The following PIP5K1B variants were observed in gnomAD, a reference collection of about 807,000 sequenced individuals.
PIP5K1B encodes phosphatidylinositol-4-phosphate 5-kinase type 1 beta.
Under a neutral mutation model 67.0 loss-of-function variants are expected in PIP5K1B, and 42 were observed. The ratio of observed to expected loss-of-function variants is 0.63; its 90% CI spans 0.49 to 0.81. The LOEUF (loss-of-function observed/expected upper bound fraction) is 0.81. Among genes scored for constraint, PIP5K1B ranks in the 30% least tolerant of loss-of-function variants. PIP5K1B has a pLI of 0.00. For missense variants in PIP5K1B, 459 were observed against 646.3 expected (o/e 0.71, Z 3.14); for synonymous variants, 214 against 231.4 (o/e 0.92, Z 0.68).
intron 2 of PIP5K1B, among the ~76,000 whole-genome samples, chr9:68,770,285 T>C (rs899225426): frequency 2.0e-5 from 3 of 152,194 alleles, no homozygotes; most frequent in African/African-American, 7.2e-5. Context: ...TCCGACTTCA[T>C]TATACCTACT....
intron 2 of PIP5K1B, among the ~76,000 whole-genome samples, chr9:68,776,357 C>G (rs1830916792): frequency 6.6e-6 from 1 of 152,160 alleles, no homozygotes; most frequent in African/African-American, 2.4e-5. Context: ...AGTGCCTACT[C>G]CCTGCTAGTC....
chr9:68,899,199 C>A (rs1303120641), intron 8 of PIP5K1B, among the ~76,000 whole-genome samples: 1 of 152,170 alleles, frequency 6.6e-6, no homozygotes, highest in Non-Finnish European at 1.5e-5. Context: ...TTCCCCTCTT[C>A]TACACCTGGC....
chr9:68,856,991 T>A (rs1441574668), intron 4 of PIP5K1B, among the ~76,000 whole-genome samples: 1 of 152,150 alleles, frequency 6.6e-6, no homozygotes, highest in Non-Finnish European at 1.5e-5. Context: ...TGGGTCCATA[T>A]AAAGCGAAGT....
In PIP5K1B at chr9:68,705,340, C is replaced by G. The variant is rs1587315439; in HGVS notation, c.-665C>G. ...CTCCTCTCGGTCCCCGGTTCCCGGTCCCCGAACGCGCCGCGGCGAGGCTGC... is the reference window on the plus strand; with the variant it reads ...CTCCTCTCGGTCCCCGGTTCCCGGTGCCCGAACGCGCCGCGGCGAGGCTGC... On this transcript the variant is annotated 5_prime_UTR_variant, in exon 1 of 16. Coordinates refer to ENST00000265382, the MANE Select transcript of PIP5K1B (RefSeq NM_003558.4). 6.6e-6 allele frequency: 1 copy of G among 151,382 alleles called. No individual in the cohort carries two copies. Among genetic ancestry groups the G allele is most frequent in the Non-Finnish European group, 1.5e-5 (1 of 67,676 alleles). 9.4% of individuals were successfully genotyped at this position (151,382 alleles called of 1,614,324 possible). A position where few individuals can be genotyped will look rare whatever the true frequency, so the allele number is the denominator to read the frequency against.
At chr9:68,859,908 A>AT (rs899963410) in intron 4 of PIP5K1B, among the ~76,000 whole-genome samples, 1 of 151,994 alleles carries the variant, frequency 6.6e-6, no homozygotes. Context: ...TTTCTATTTT[A>AT]TTTTTTTAAT....
intron 1 of PIP5K1B, among the ~76,000 whole-genome samples, chr9:68,732,924 G>A (rs569530365): frequency 6.9e-6 from 1 of 145,086 alleles, no homozygotes; most frequent in East Asian, 2.0e-4. Context: ...GTTGGGGGGG[G>A]GGCGGCGCGG....
intron 7 of PIP5K1B, among the ~76,000 whole-genome samples, chr9:68,891,635 A>G (rs1824795257): frequency 6.6e-6 from 1 of 152,192 alleles, no homozygotes; most frequent in African/African-American, 2.4e-5. Flanking sequence ...TCTGGCACTG[A>G]GTCTTGAGTA....
intron 8 of PIP5K1B, among the ~76,000 whole-genome samples, chr9:68,896,372 A>G (rs985861313): frequency 1.3e-5 from 2 of 151,998 alleles, no homozygotes; most frequent in African/African-American, 2.4e-5. Flanking sequence ...AAGCAAATGT[A>G]AAAGAGCCAT....
chr9:68,780,342 C>A (rs998373730), intron 2 of PIP5K1B: 1 of 1,608,432 alleles, frequency 6.2e-7, no homozygotes, highest in South Asian at 1.1e-5. Flanking sequence ...GAGCGCCAGG[C>A]GGAACAGCAC....
At chr9:68,796,964 A>G (rs912471702) in intron 2 of PIP5K1B, among the ~76,000 whole-genome samples, 1 of 152,250 alleles carries the variant, frequency 6.6e-6, no homozygotes, top group Non-Finnish European at 1.5e-5. Flanking sequence ...AAATGACACC[A>G]AAACCCTTTA....
intron 4 of PIP5K1B, among the ~76,000 whole-genome samples, chr9:68,824,866 C>T (rs1049204330): frequency 5.3e-5 from 8 of 152,238 alleles, no homozygotes; most frequent in African/African-American, 1.9e-4. Flanking sequence ...TCCAGATAAA[C>T]CATTTCCCAG....
chr9:68,771,137 TG>T (rs1019927071), intron 2 of PIP5K1B, among the ~76,000 whole-genome samples: 12 of 152,196 alleles, frequency 7.9e-5, no homozygotes, highest in African/African-American at 2.4e-4. Flanking sequence ...AAGAAATCAT[TG>T]GCTCCTTCTG....
At chr9:68,820,513 G>T (rs745380558) in intron 3 of PIP5K1B, among the ~76,000 whole-genome samples, 2 of 152,022 alleles carry the variant, frequency 1.3e-5, no homozygotes, top group Non-Finnish European at 2.9e-5. Context: ...TTCCTGGATG[G>T]TTTTTAGTCA....
chr9:68,964,667 A>C (rs1181445192), intron 14 of PIP5K1B, among the ~76,000 whole-genome samples: 2 of 152,230 alleles, frequency 1.3e-5, no homozygotes, highest in East Asian at 3.9e-4. Flanking sequence ...GGAAGAGTTT[A>C]ATAATGTGGT....
chr9:68,970,559 C>T (rs1829304890), intron 14 of PIP5K1B, among the ~76,000 whole-genome samples: 1 of 152,206 alleles, frequency 6.6e-6, no homozygotes, highest in Non-Finnish European at 1.5e-5. Flanking sequence ...TTTGTTCACC[C>T]AACTGTGAAC....
intron 6 of PIP5K1B, among the ~76,000 whole-genome samples, chr9:68,882,626 T>C (rs1824256170): frequency 6.6e-6 from 1 of 152,200 alleles, no homozygotes; most frequent in Non-Finnish European, 1.5e-5. Flanking sequence ...CACCCCCTAA[T>C]TTCTCAATTT....
chr9:68,878,013 C>CTGTGTGTGTG (rs35871698), intron 6 of PIP5K1B, among the ~76,000 whole-genome samples: 5,213 of 141,992 alleles, frequency 0.037, 129 homozygotes, highest in Admixed American at 0.068. Flanking sequence ...CGCATTTGTT[C>CTGTGTGTGTG]TGTGTGTGTG....
chr9:68,824,719 C>T (rs1482135320), intron 4 of PIP5K1B, among the ~76,000 whole-genome samples: 9 of 152,268 alleles, frequency 5.9e-5, no homozygotes, highest in South Asian at 2.1e-4. Context: ...AAGAAGGAAT[C>T]GCTTAGAGAG....
chr9:68,787,497 C>T (rs1478130431), intron 2 of PIP5K1B, among the ~76,000 whole-genome samples: 1 of 152,182 alleles, frequency 6.6e-6, no homozygotes, highest in Non-Finnish European at 1.5e-5. Context: ...ACTTTTCTTG[C>T]CAATCTTTCA....
Sources: gnomAD v4.1 joint callset for allele counts (sites outside exome capture counted in the v4.1 genomes callset) on GRCh38, gnomAD v4.1.1 for gene constraint, MANE v1.5 for transcripts, NCBI Gene and HGNC (gene_info 2026-07-23, HGNC 2026-07-21) for gene names.